Variants in ZFR2 observed in about 807,000 individuals in gnomAD.
ZFR2 encodes zinc finger RNA-binding protein 2.
ZFR2 carries 104 observed loss-of-function variants against 105.7 expected under a neutral mutation model. The observed-to-expected ratio is 0.98, with a 90% CI of 0.84 to 1.16. The LOEUF is 1.16. ZFR2 is among the 50% of genes most tolerant of loss of function. The probability of loss-of-function intolerance (pLI) is 0.00; values close to 1 mark genes in which losing one functional copy is unlikely to be tolerated. For missense variants in ZFR2, 1,425 were observed against 1,355.5 expected (o/e 1.05, Z -0.80); for synonymous variants, 634 against 597.7 (o/e 1.06, Z -0.89).
chr19:3,844,607 G>A (rs1428121766), intron 1 of ZFR2, among the ~76,000 whole-genome samples: 2 of 152,272 alleles, frequency 1.3e-5, no homozygotes, highest in Admixed American at 1.3e-4. Flanking sequence ...GACCTCAAGT[G>A]ATCCACCTGC....
At chr19:3,846,867 C>T (rs1258401467) in intron 1 of ZFR2, among the ~76,000 whole-genome samples, 2 of 152,208 alleles carry the variant, frequency 1.3e-5, no homozygotes, top group Non-Finnish European at 2.9e-5. Context: ...TTATCTCCTG[C>T]TAAGTAATAG....
chr19:3,833,844 A>G lies in ZFR2; in HGVS notation c.265-66T>C, dbSNP rs375634732. ...GAGAGCAGCTCAGGCGGTGGGTGCG[A>G]CGCGCCCTGCCACACTGCACTCTGC... On this transcript the variant is annotated intron_variant, in intron 2 of 18. Coordinates refer to ENST00000262961, the MANE Select transcript of ZFR2 (RefSeq NM_015174.2). 887 of 1,265,084 alleles carry G rather than the reference A, an allele frequency of 7.0e-4. 6 individuals are homozygous for G. In the African/African-American group the frequency reaches 0.012, roughly 16 times the overall value. 78.4% of individuals were successfully genotyped at this position (1,265,084 alleles called of 1,614,324 possible). A position where few individuals can be genotyped will look rare whatever the true frequency, so the allele number is the denominator to read the frequency against.
chr19:3,830,580 C>T (rs1025384872), intron 5 of ZFR2, among the ~76,000 whole-genome samples: 5 of 152,116 alleles, frequency 3.3e-5, no homozygotes, highest in Non-Finnish European at 5.9e-5. Context: ...TGAGCAGGGA[C>T]CGGCCCCCCA....
At chr19:3,815,115 A>G (rs1469896979) in intron 13 of ZFR2, among the ~76,000 whole-genome samples, 1 of 151,894 alleles carries the variant, frequency 6.6e-6, no homozygotes, top group Non-Finnish European at 1.5e-5. Context: ...TTTAAGACAG[A>G]GTCTTACTCT....
chr19:3,868,994 G>C lies in ZFR2; in HGVS notation c.24C>G (p.Asp8Glu). 7.2e-7 allele frequency: 1 copy of C among 1,379,680 alleles called. No individual in the cohort carries two copies. Among genetic ancestry groups the C allele is most frequent in the Non-Finnish European group, 9.5e-7 (1 of 1,056,622 alleles). The allele number at this position is 1,379,680 out of a possible 1,614,324, so 85.5% of individuals were successfully genotyped here. Residue 8 changes from aspartate to glutamate, a missense_variant, in exon 1 of 19, where the codon GAC becomes GAG. By Grantham distance (45) the Asp-to-Glu change is conservative (BLOSUM62 2). Transcript: ENST00000262961. MATSQYFDFAQGGGPQYS... is the reference protein window; with the variant it reads MATSQYFEFAQGGGPQYS... Reference sequence around the variant, plus strand: ...ACTGCGGGCCGCCGCCCTGCGCGAAGTCGAAATACTGACTCGTCGCCATCT... The same window carrying C: ...ACTGCGGGCCGCCGCCCTGCGCGAACTCGAAATACTGACTCGTCGCCATCT...
chr19:3,852,466 G>C, intron 1 of ZFR2: 2 of 718,504 alleles, frequency 2.8e-6, no homozygotes, highest in Non-Finnish European at 5.2e-6. Context: ...CACCAGGCAG[G>C]GTCCCATAAG....
At chr19:3,846,122 G>T (rs1041678571) in intron 1 of ZFR2, among the ~76,000 whole-genome samples, 1 of 152,338 alleles carries the variant, frequency 6.6e-6, no homozygotes, top group South Asian at 2.1e-4. Flanking sequence ...GACTAAAGGC[G>T]TGTGCCACCA....
chr19:3,847,304 G>A (rs1443805108), intron 1 of ZFR2, among the ~76,000 whole-genome samples: 3 of 152,094 alleles, frequency 2.0e-5, no homozygotes, highest in Non-Finnish European at 2.9e-5. Flanking sequence ...CAGGAGGATC[G>A]CTTAAGCCCA....
At chr19:3,821,100 C>T (rs2037887087) in intron 10 of ZFR2, among the ~76,000 whole-genome samples, 1 of 152,080 alleles carries the variant, frequency 6.6e-6, no homozygotes, top group Non-Finnish European at 1.5e-5. Context: ...GTCCCTGCGT[C>T]TACGGAGGCC....
intron 1 of ZFR2, among the ~76,000 whole-genome samples, chr19:3,842,126 C>T (rs1465187814): frequency 6.6e-6 from 1 of 151,880 alleles, no homozygotes; most frequent in Non-Finnish European, 1.5e-5. Flanking sequence ...GATCCTTCCA[C>T]CTCAACCTCC....
intron 6 of ZFR2, 47 bp from the exon 7 acceptor site, chr19:3,825,454 T>C: frequency 1.3e-6 from 2 of 1,519,236 alleles, no homozygotes; most frequent in Non-Finnish European, 8.8e-7. Flanking sequence ...GCTCCCAGCC[T>C]GATGGCCTTT....
chr19:3,816,702 A>G lies in ZFR2; in HGVS notation c.2075T>C (p.Ile692Thr). The G allele has an allele frequency of 1.2e-6, 2 of 1,610,462 alleles. No individual in the cohort carries two copies. The highest frequency in any genetic ancestry group is 1.7e-6 in the Non-Finnish European group (2 of 1,178,244). ...GAGCTGCCGGGGCAGCTGCTGGGCG[A>G]TCCTCCGCAGCAGGCTGTGCGTGGG... ...EKPTHSLLRR[I>T]AQQLPRQLQM... The change falls in exon 13 of 19, where the codon ATC (isoleucine) becomes ACC (threonine). Residue 692 changes from isoleucine to threonine, a missense_variant. Transcript: ENST00000262961.
chr19:3,852,630 G>C, intron 1 of ZFR2: 1 of 717,778 alleles, frequency 1.4e-6, no homozygotes, highest in Admixed American at 2.0e-5. Context: ...AGAGTAGCAA[G>C]GACATGGTGG....
intron 1 of ZFR2, among the ~76,000 whole-genome samples, chr19:3,866,926 C>A (rs934426752): frequency 1.3e-5 from 2 of 152,176 alleles, no homozygotes; most frequent in Non-Finnish European, 2.9e-5. Flanking sequence ...AATACTCCAC[C>A]AGAGAAACCA....
At chr19:3,843,875 C>CA (rs1230044502) in intron 1 of ZFR2, among the ~76,000 whole-genome samples, 6 of 151,548 alleles carry the variant, frequency 4.0e-5, no homozygotes, top group Admixed American at 6.6e-5. Context: ...CAAGTCCTGA[C>CA]ATAGGCTACA....
intron 1 of ZFR2, among the ~76,000 whole-genome samples, chr19:3,843,181 G>A (rs1479338889): frequency 6.6e-6 from 1 of 151,766 alleles, no homozygotes; most frequent in Non-Finnish European, 1.5e-5. Context: ...TCCATCAGTG[G>A]ATAAATGGGC....
chr19:3,831,447 C>CG lies in ZFR2; in HGVS notation c.707dup (p.Pro237AlafsTer172). 1 of 1,550,344 alleles carries CG rather than the reference C, an allele frequency of 6.5e-7. No individual in the cohort carries two copies. Among genetic ancestry groups the CG allele is most frequent in the Non-Finnish European group, 8.7e-7 (1 of 1,148,088 alleles). ...TGCTTCCTGAGCCTGCAGGCGCGGGCGGCGGGGGCAGCTGCTGCGGGGGTC... is the reference window on the plus strand; with the variant it reads ...TGCTTCCTGAGCCTGCAGGCGCGGGCGGGCGGGGGCAGCTGCTGCGGGGGTC... On this transcript the variant is annotated frameshift_variant, in exon 5 of 19. Transcript: ENST00000262961. LOFTEE classifies it high-confidence loss of function.
rs1196468739 is a variant in ZFR2, at chr19:3,820,731, G to A, written c.1632-441C>T. On this transcript the variant is annotated intron_variant, in intron 10 of 18. Coordinates refer to ENST00000262961, the MANE Select transcript of ZFR2 (RefSeq NM_015174.2). ...GATACCAAGGGTAAGGGGACACAGG[G>A]TCATCAGGGGTCAGGAGACACAGGA... Among the ~76,000 whole-genome samples the A allele has an allele frequency of 2.2e-5, 3 of 137,836 alleles. No individual in the cohort carries two copies. In the East Asian group the frequency reaches 6.6e-4, roughly 30 times the overall value. 90.4% of individuals were successfully genotyped at this position (137,836 alleles called of 152,430 possible). A position where few individuals can be genotyped will look rare whatever the true frequency, so the allele number is the denominator to read the frequency against.
chr19:3,817,927 G>A (rs555566676), intron 12 of ZFR2, among the ~76,000 whole-genome samples: 4 of 152,358 alleles, frequency 2.6e-5, no homozygotes, highest in South Asian at 2.1e-4. Flanking sequence ...AAGGCCACAC[G>A]GTGTGCGACC....
Sources: allele counts gnomAD v4.1 joint callset (sites outside exome capture counted in the v4.1 genomes callset), GRCh38; gene constraint gnomAD v4.1.1; transcripts MANE v1.5; gene names NCBI Gene and HGNC (gene_info 2026-07-23, HGNC 2026-07-21).